The following USH2A variants were observed in gnomAD, a reference collection of about 807,000 sequenced individuals.
The protein encoded by USH2A is usherin, also known as Usher syndrome 2A (autosomal recessive, mild).
In USH2A, 443 loss-of-function variants were observed where a neutral mutation model predicts 538.9. The observed-to-expected ratio is 0.82, with a 90% CI of 0.76 to 0.89. The LOEUF (loss-of-function observed/expected upper bound fraction) is 0.89. USH2A is among the 40% of genes least tolerant of loss of function. The pLI is 0.00. For missense variants in USH2A, 6,633 were observed against 6,324.8 expected, an observed-to-expected ratio of 1.05 and a Z score of -1.65; for synonymous variants, 2,413 against 2,273.5, an observed-to-expected ratio of 1.06 and a Z score of -1.75.
chr1:216,116,989 A>G (rs2033023242), intron 21 of USH2A, among the ~76,000 whole-genome samples: 2 of 152,132 alleles, frequency 1.3e-5, no homozygotes, highest in Non-Finnish European at 2.9e-5. Context: ...TCCTGAGGGA[A>G]GCTGATTTAG....
Position 215,824,352 on chromosome 1 carries a change from A to T in USH2A, c.9372-7157T>A, listed in dbSNP as rs568827256. 3.3e-5 allele frequency among the ~76,000 whole-genome samples: 5 copies of T among 150,356 alleles called. No homozygotes were observed. The South Asian group carries it at 1.0e-3, about 32-fold the overall frequency. On this transcript the variant is annotated intron_variant, in intron 47 of 71. Transcript: ENST00000307340. Reference sequence around the variant, plus strand: ...GAGATTCTTTGTAATTTTTCTGTTCATTTTCTTTCATTTTTTTTAATTCAC... The same window carrying T: ...GAGATTCTTTGTAATTTTTCTGTTCTTTTTCTTTCATTTTTTTTAATTCAC...
intron 58 of USH2A, 51 bp from the exon 59 acceptor site, chr1:215,743,386 ATGTGTGTGTGTGTGTGTGTGTG>A (rs61304768): frequency 2.0e-4 from 66 of 328,372 alleles, no homozygotes; most frequent in Non-Finnish European, 2.5e-4. Context: ...ATATATATAT[ATGTGTGTGTGTGTGTGTGTGTG>A]TGTGTGTGTA....
intron 37 of USH2A, 151 bp from the exon 38 acceptor site, chr1:215,934,946 T>TAGAA: frequency 2.9e-6 from 2 of 699,742 alleles, no homozygotes; most frequent in Non-Finnish European, 4.5e-6. Flanking sequence ...CTTCTATCAA[T>TAGAA]GCACATATTT....
intron 21 of USH2A, among the ~76,000 whole-genome samples, chr1:216,164,297 T>C (rs1258309052): frequency 6.6e-6 from 1 of 152,112 alleles, no homozygotes; most frequent in African/African-American, 2.4e-5. Context: ...GAGAAATATT[T>C]AGTTTCTTCT....
intron 36 of USH2A, 40 bp from the exon 37 acceptor site, chr1:215,965,519 A>G (rs1667321171): frequency 3.7e-6 from 6 of 1,608,286 alleles, no homozygotes; most frequent in Non-Finnish European, 5.1e-6. Context: ...TGCAAATAAA[A>G]TAAGTACATG....
chr1:215,947,879 A>G (rs1458242483), intron 37 of USH2A, among the ~76,000 whole-genome samples: 1 of 152,348 alleles, frequency 6.6e-6, no homozygotes, highest in East Asian at 1.9e-4. Context: ...TTCTAGCATG[A>G]TAACTTTGGC....
chr1:216,240,116 C>T lies in USH2A; in HGVS notation c.2809+6469G>A, dbSNP rs74622825. Reference sequence around the variant, plus strand: ...TTGCAGTGGAGAGCCCGACAATAAGCTAATTTATTCAAGTTGTGTAACTCT... The same window carrying T: ...TTGCAGTGGAGAGCCCGACAATAAGTTAATTTATTCAAGTTGTGTAACTCT... On this transcript the variant is annotated intron_variant, in intron 13 of 71. Transcript: ENST00000307340. Among the ~76,000 whole-genome samples the T allele has an allele frequency of 3.8e-3, 580 of 151,284 alleles. 4 individuals carry two copies. The highest frequency in any genetic ancestry group is 0.014 in the African/African-American group (558 of 41,216).
intron 55 of USH2A, among the ~76,000 whole-genome samples, chr1:215,767,694 C>T (rs1353702335): frequency 2.0e-5 from 3 of 152,174 alleles, no homozygotes; most frequent in Non-Finnish European, 4.4e-5. Flanking sequence ...AGTTACTTAG[C>T]TTCTCTTTGC....
intron 13 of USH2A, among the ~76,000 whole-genome samples, chr1:216,238,516 AT>A (rs2035873178): frequency 6.6e-6 from 1 of 152,206 alleles, no homozygotes. Context: ...AAATTAAAGC[AT>A]TTTTAAAATA....
rs1571744045 is a variant in USH2A at position 216,364,969 on chromosome 1, T to G, written c.768A>C (p.Ile256=). The G allele has an allele frequency of 1.9e-6, 3 of 1,613,620 alleles. No individual in the cohort carries two copies. The highest frequency in any genetic ancestry group is 2.5e-6 in the Non-Finnish European group (3 of 1,179,694). Residue 256 remains isoleucine, a synonymous_variant, in exon 4 of 72, where the codon ATA becomes ATC. Coordinates refer to ENST00000307340, the MANE Select transcript of USH2A (RefSeq NM_206933.4). The part of the protein sequence containing the change: ...ITDFASGTVQ[I]GQSLNGLEQF... ...GAAACTTACCATTTAAACTCTGTCC[T>G]ATTTGCACAGTACCAGATGCAAAAT...
At position 215,759,768 on chromosome 1, in the gene USH2A, G is replaced by T; in HGVS notation, c.11123C>A (p.Pro3708His). ...TTGATATTGAGAAACGAGGCCATTG[G>T]GCTTTTCTGGCAGACTCCAATATAA... ...VELYWSLPEKPNGLVSQYQLS... is the reference protein window; with the variant it reads ...VELYWSLPEKHNGLVSQYQLS... Residue 3708 changes from proline (P) to histidine (H), a missense_variant, in exon 57 of 72, where the codon CCC becomes CAC. Pro to His is a moderately conservative substitution (Grantham distance 77). Coordinates refer to ENST00000307340, the MANE Select transcript of USH2A (RefSeq NM_206933.4). 1 of 1,614,000 alleles carries T rather than the reference G, an allele frequency of 6.2e-7. No homozygotes were observed. The highest frequency in any genetic ancestry group is 8.5e-7 in the Non-Finnish European group (1 of 1,179,958).
chr1:215,967,409 C>T (rs995737239), intron 36 of USH2A, among the ~76,000 whole-genome samples: 1 of 152,098 alleles, frequency 6.6e-6, no homozygotes, highest in African/African-American at 2.4e-5. Context: ...CCTTGTGATC[C>T]ACCCACTTTG....
At chr1:215,669,210 A>C (rs947083686) in intron 64 of USH2A, among the ~76,000 whole-genome samples, 1 of 152,178 alleles carries the variant, frequency 6.6e-6, no homozygotes, top group Admixed American at 6.5e-5. Context: ...TGCTGATTTC[A>C]TCCAGCTCTC....
At chr1:216,083,329 GA>G (rs946223414) in intron 26 of USH2A, 126 bp downstream of exon 26, 70 of 1,104,326 alleles carry the variant, frequency 6.3e-5, no homozygotes, top group East Asian at 1.3e-4. Context: ...AAATGACTGG[GA>G]AAAAAAATGA....
intron 13 of USH2A, among the ~76,000 whole-genome samples, chr1:216,242,021 A>G (rs1330083199): frequency 6.6e-6 from 1 of 152,084 alleles, no homozygotes; most frequent in Non-Finnish European, 1.5e-5. Flanking sequence ...CAAATGTCTT[A>G]TTTCCCTTGT....
chr1:216,053,936 G>C (rs996303799), intron 30 of USH2A, among the ~76,000 whole-genome samples: 2 of 152,132 alleles, frequency 1.3e-5, no homozygotes, highest in Non-Finnish European at 2.9e-5. Flanking sequence ...ACCGTAGATA[G>C]GTTAAGAGGC....
intron 20 of USH2A, among the ~76,000 whole-genome samples, chr1:216,181,666 T>C (rs565593198): frequency 6.6e-6 from 1 of 152,186 alleles, no homozygotes; most frequent in South Asian, 2.1e-4. Flanking sequence ...GCAACCACCA[T>C]TCCCTAAAGT....
chr1:215,675,804 C>A (rs1658004932), intron 62 of USH2A, among the ~76,000 whole-genome samples, 188 bp from the exon 63 acceptor site: 1 of 151,852 alleles, frequency 6.6e-6, no homozygotes, highest in Non-Finnish European at 1.5e-5. Flanking sequence ...GAGAGACAAA[C>A]AATGTTTTTC....
intron 17 of USH2A, 58 bp from the exon 18 acceptor site, chr1:216,198,642 G>T: frequency 6.6e-7 from 1 of 1,523,780 alleles, no homozygotes; most frequent in African/African-American, 1.4e-5. Context: ...TTACTTTAGG[G>T]GTAGGGTAGG....
Sources: gnomAD v4.1 joint callset for allele counts (sites outside exome capture counted in the v4.1 genomes callset) on GRCh38, gnomAD v4.1.1 for gene constraint, MANE v1.5 for transcripts, NCBI Gene and HGNC (gene_info 2026-07-23, HGNC 2026-07-21) for gene names.